Variants in ACSF3 observed in about 807,000 individuals in gnomAD.
The protein encoded by ACSF3 is acyl-CoA synthetase family member 3.
A neutral mutation model predicts 53.2 loss-of-function variants in ACSF3; 78 were observed. That is an observed-to-expected ratio of 1.47 (90% CI 1.22 to 1.77). ACSF3 has a LOEUF of 1.77. ACSF3 is among the 40% of genes most tolerant of loss of function. ACSF3 has a pLI of 0.00. For synonymous variants in ACSF3, 414 were observed against 333.1 expected (o/e 1.24, Z -2.65); for missense variants, 937 against 771.1 (o/e 1.22, Z -2.55).
At chr16:89,138,746 C>T (rs1911128106) in intron 8 of ACSF3, among the ~76,000 whole-genome samples, 1 of 152,244 alleles carries the variant, frequency 6.6e-6, no homozygotes, top group Admixed American at 6.5e-5. Flanking sequence ...GCAAGATGCC[C>T]TTCTGTGCAG....
Position 89,093,862 on chromosome 16 carries a change from G to A in ACSF3, c.-328G>A, listed in dbSNP as rs1369317945. Reference sequence around the variant, plus strand: ...CGCGCCGGGGAAGCTGTTGGGCGCCGGAACTGGTCCGGCCCGACTCACGAC... The same window carrying A: ...CGCGCCGGGGAAGCTGTTGGGCGCCAGAACTGGTCCGGCCCGACTCACGAC... On this transcript the variant is annotated 5_prime_UTR_variant, in exon 1 of 11. Coordinates refer to ENST00000614302, the MANE Select transcript of ACSF3 (RefSeq NM_001243279.3). 2 of 276,104 alleles carry A rather than the reference G, an allele frequency of 7.2e-6. No individual in the cohort carries two copies. Among genetic ancestry groups the A allele is most frequent in the South Asian group, 2.9e-5 (1 of 34,674 alleles). The allele number at this position is 276,104 out of a possible 1,614,324, so 17.1% of individuals were successfully genotyped here.
At chr16:89,146,693 A>AC (rs1913027169) in intron 10 of ACSF3, among the ~76,000 whole-genome samples, 1 of 152,080 alleles carries the variant, frequency 6.6e-6, no homozygotes, top group African/African-American at 2.4e-5. Context: ...GGTGGCCACC[A>AC]CCCAGTCCTT....
intron 10 of ACSF3, among the ~76,000 whole-genome samples, chr16:89,147,341 A>G (rs1434369566): frequency 2.4e-5 from 1 of 41,668 alleles, no homozygotes; most frequent in African/African-American, 1.1e-4. Flanking sequence ...GGGAGGGGCC[A>G]CAGAGTGAGC....
intron 5 of ACSF3, among the ~76,000 whole-genome samples, chr16:89,112,849 C>T (rs1272722783): frequency 6.6e-6 from 1 of 152,252 alleles, no homozygotes; most frequent in Non-Finnish European, 1.5e-5. Flanking sequence ...CTCTCCTATG[C>T]AGTCTCTCTG....
At chr16:89,153,976 C>T (rs1914426532) in intron 10 of ACSF3, 114 bp from the exon 11 acceptor site, 11 of 1,118,826 alleles carry the variant, frequency 9.8e-6, no homozygotes, top group Middle Eastern at 2.7e-4. Flanking sequence ...ATGGCCGAGG[C>T]GCCTGGCAAG....
At chr16:89,116,362 G>A (rs1255918967) in intron 6 of ACSF3, among the ~76,000 whole-genome samples, 1 of 152,160 alleles carries the variant, frequency 6.6e-6, no homozygotes, top group Admixed American at 6.5e-5. Context: ...GGACATGGGG[G>A]TTCAGGCCCA....
intron 6 of ACSF3, among the ~76,000 whole-genome samples, chr16:89,118,792 C>G (rs1339063339): frequency 6.6e-6 from 1 of 152,116 alleles, no homozygotes; most frequent in South Asian, 2.1e-4. Context: ...GGGTCCCAGT[C>G]CCCAGTCAGA....
chr16:89,113,852 T>C (rs1474988197), intron 5 of ACSF3: 1 of 274,840 alleles, frequency 3.6e-6, no homozygotes, highest in Non-Finnish European at 7.2e-6. Context: ...ACCCCTTGGG[T>C]GCCGCGGCCA....
At chr16:89,120,707 C>T (rs374717478) in intron 6 of ACSF3, 94 bp from the exon 7 acceptor site, 6 of 1,231,622 alleles carry the variant, frequency 4.9e-6, no homozygotes, top group African/African-American at 1.5e-5. Flanking sequence ...ACGTGGCACA[C>T]GGGAGCTCAG....
chr16:89,151,614 T>A (rs1914095830), intron 10 of ACSF3: 5 of 178,680 alleles, frequency 2.8e-5, no homozygotes, highest in Admixed American at 5.9e-5. Flanking sequence ...ACCATATATT[T>A]TTTTTTTTTT....
At position 89,102,521 on chromosome 16, in the gene ACSF3, C is replaced by G; in HGVS notation, c.667-83C>G. The G allele has an allele frequency of 1.9e-6, 3 of 1,549,422 alleles. No individual in the cohort carries two copies. The South Asian group carries it at 3.3e-5, about 17-fold the overall frequency. ...TCCTCAGTGGGGAGGCCCAGAGCTCCTTTCCGTGAGCCCGAGGTCTGTGTG... is the reference window on the plus strand; with the variant it reads ...TCCTCAGTGGGGAGGCCCAGAGCTCGTTTCCGTGAGCCCGAGGTCTGTGTG... On this transcript the variant is annotated intron_variant, in intron 3 of 10. Transcript: ENST00000614302.
rs759181215 is a variant in ACSF3, at chr16:89,112,204, A to T, written c.935A>T (p.His312Leu). 30 of 1,614,112 alleles carry T rather than the reference A, an allele frequency of 1.9e-5. No homozygotes were observed. Among genetic ancestry groups the T allele is most frequent in the Non-Finnish European group, 2.5e-5 (30 of 1,180,056 alleles). Residue 312 changes from histidine to leucine, a missense_variant, in exon 5 of 11, where the codon CAC becomes CTC. Coordinates refer to ENST00000614302, the MANE Select transcript of ACSF3 (RefSeq NM_001243279.3). ...EYYDRHFTQPHAQDFLRAVCE... is the reference protein window; with the variant it reads ...EYYDRHFTQPLAQDFLRAVCE... ...TACGACAGGCATTTTACCCAGCCGC[A>T]CGCCCAGGATTTCTTGCGTGCAGTT...
rs374673132 is a variant in ACSF3, at chr16:89,145,932, C to T, written c.1502-6C>T. ...CCATGTTCTCAAACTGTTCTTCTAT[C>T]CGCAGATGTGGCTGTGATTGGAGTT... On this transcript the variant is annotated splice_polypyrimidine_tract_variant and splice_region_variant and intron_variant, in intron 9 of 10. Coordinates refer to ENST00000614302, the MANE Select transcript of ACSF3 (RefSeq NM_001243279.3). The T allele has an allele frequency of 3.1e-6, 5 of 1,612,608 alleles. No individual in the cohort carries two copies. Among genetic ancestry groups the T allele is most frequent in the Admixed American group, 1.7e-5 (1 of 60,030 alleles).
rs1274602166 is a variant in ACSF3, at chr16:89,155,962, T to C, written c.*1755T>C. 1.1e-5 allele frequency: 4 copies of C among 362,450 alleles called. No homozygotes were observed. The highest frequency in any genetic ancestry group is 2.1e-5 in the Non-Finnish European group (4 of 186,654). The allele number at this position is 362,450 out of a possible 1,614,324, so 22.5% of individuals were successfully genotyped here. ...GAAACTGCAGAGAGCCTGGAGCTCG[T>C]TGACCACAAACTACAGAAAGCCTGG... is the stretch of plus-strand genomic sequence containing the variant. On this transcript the variant is annotated 3_prime_UTR_variant, in exon 11 of 11. Coordinates refer to ENST00000614302, the MANE Select transcript of ACSF3 (RefSeq NM_001243279.3).
At chr16:89,147,644 C>G (rs547899676) in intron 10 of ACSF3, 16 of 151,612 alleles carry the variant, frequency 1.1e-4, no homozygotes, top group African/African-American at 3.2e-4. Context: ...CTCACTAGCA[C>G]GAGAACAGCA....
In ACSF3 at chr16:89,098,588, C is replaced by T. The variant is rs1197614728; in HGVS notation, c.-193-3C>T. 2.2e-6 allele frequency: 1 copy of T among 450,838 alleles called. No individual in the cohort carries two copies. Among genetic ancestry groups the T allele is most frequent in the African/African-American group, 2.0e-5 (1 of 49,966 alleles). 27.9% of individuals were successfully genotyped at this position (450,838 alleles called of 1,614,324 possible). On this transcript the variant is annotated splice_region_variant and splice_polypyrimidine_tract_variant and intron_variant, in intron 1 of 10. Coordinates refer to ENST00000614302, the MANE Select transcript of ACSF3 (RefSeq NM_001243279.3). ...GGACCTCAGCACAGATGCCCGTTGA[C>T]AGGTGTCCCACCGGCCTTCCGGGTT...
At chr16:89,142,073 G>A (rs1216298351) in intron 8 of ACSF3, among the ~76,000 whole-genome samples, 10 of 152,138 alleles carry the variant, frequency 6.6e-5, no homozygotes, top group African/African-American at 1.9e-4. Context: ...CATGTTGCGC[G>A]CCGACCCCTA....
In ACSF3 at chr16:89,120,792, C is replaced by G. The variant is rs536593488; in HGVS notation, c.1127-9C>G. 6.2e-7 allele frequency: 1 copy of G among 1,613,380 alleles called. No individual in the cohort carries two copies. The highest frequency in any genetic ancestry group is 1.1e-5 in the South Asian group (1 of 91,074). On this transcript the variant is annotated splice_polypyrimidine_tract_variant and intron_variant, in intron 6 of 10. Coordinates refer to ENST00000614302, the MANE Select transcript of ACSF3 (RefSeq NM_001243279.3). ...CAGCCTCCCCTTCAGTGTTTCTCCT[C>G]TCCTGTAGGTTCCGTGGGGACCCCA...
At chr16:89,121,557 G>C (rs111793599) in intron 7 of ACSF3, among the ~76,000 whole-genome samples, 2 of 152,340 alleles carry the variant, frequency 1.3e-5, no homozygotes, top group African/African-American at 4.8e-5. Context: ...AAAGGTTTAG[G>C]GATTATGGGG....
Sources: allele counts gnomAD v4.1 joint callset (sites outside exome capture counted in the v4.1 genomes callset), GRCh38; gene constraint gnomAD v4.1.1; transcripts MANE v1.5; gene names NCBI Gene and HGNC (gene_info 2026-07-23, HGNC 2026-07-21).